Variants in CEP250 observed in about 807,000 individuals in gnomAD.
CEP250 encodes centrosome-associated protein CEP250.
Under a neutral mutation model 315.7 loss-of-function variants are expected in CEP250, and 242 were observed. That is an observed-to-expected ratio of 0.77 (90% CI 0.69 to 0.85). The LOEUF (loss-of-function observed/expected upper bound fraction) is 0.85. Ranked by LOEUF, CEP250 falls within the 40% of genes least tolerant of loss-of-function variation. The pLI is 0.00. For missense variants in CEP250, 2,515 were observed against 2,886.4 expected (o/e 0.87, Z 2.95); for synonymous variants, 1,088 against 1,175.0 (o/e 0.93, Z 1.51).
At chr20:35,476,389 C>A (rs2063173742) in intron 15 of CEP250, 60 bp from the exon 16 acceptor site, 1 of 1,514,880 alleles carries the variant, frequency 6.6e-7, no homozygotes, top group Non-Finnish European at 9.1e-7. Flanking sequence ...GGAATGTGAA[C>A]TGTTTACTGT....
At chr20:35,478,249 T>C in intron 17 of CEP250, 148 bp downstream of exon 17, 1 of 650,914 alleles carries the variant, frequency 1.5e-6, no homozygotes, top group Middle Eastern at 4.1e-4. Flanking sequence ...TATCTTCCAA[T>C]TTTAAAAAAG....
chr20:35,467,634 A>C (rs1006429152), intron 9 of CEP250, 79 bp downstream of exon 9: 9 of 1,431,934 alleles, frequency 6.3e-6, no homozygotes, highest in Non-Finnish European at 4.7e-6. Context: ...AGGCAGGGGG[A>C]GGTGCCAGGA....
intron 9 of CEP250, among the ~76,000 whole-genome samples, chr20:35,469,188 C>T (rs907548867): frequency 2.0e-5 from 3 of 152,024 alleles, no homozygotes; most frequent in Non-Finnish European, 4.4e-5. Context: ...TGGTGGCATG[C>T]ACCTATAATT....
rs568123733 is a variant in CEP250 at position 35,501,207 on chromosome 20, G to A, written c.3899-638G>A. 3.3e-5 allele frequency among the ~76,000 whole-genome samples: 5 copies of A among 152,186 alleles called. No homozygotes were observed. The East Asian group carries it at 5.8e-4, about 18-fold the overall frequency. On this transcript the variant is annotated intron_variant, in intron 28 of 34. Transcript: ENST00000397527. ...GAAGAGTTAGCCGGGTGTGGTGGTG[G>A]GCACCTGTAATCCCAACTACTCGGG... is the stretch of plus-strand genomic sequence containing the variant.
At position 35,496,725 on chromosome 20, in the gene CEP250, A is replaced by G. The variant is rs936007131; in HGVS notation, c.3306+10A>G. On this transcript the variant is annotated intron_variant, in intron 25 of 34. Transcript: ENST00000397527. ...AGAGCTCAGTGCTCAGGTACTTCCC[A>G]CTCTGGTTATGAGCTCTGCATCCCT... 6.2e-7 allele frequency: 1 copy of G among 1,610,174 alleles called. No individual in the cohort carries two copies. Among genetic ancestry groups the G allele is most frequent in the African/African-American group, 1.3e-5 (1 of 74,602 alleles).
chr20:35,480,147 T>G lies in CEP250; in HGVS notation c.2586+2T>G. 1 of 1,610,384 alleles carries G rather than the reference T, an allele frequency of 6.2e-7. No individual in the cohort carries two copies. The highest frequency in any genetic ancestry group is 8.5e-7 in the Non-Finnish European group (1 of 1,179,110). The stretch of plus-strand genomic sequence containing the variant: ...GTGAACCAGCTCCGGGAGAAATGGG[T>G]AAGTGGTCAATGTGGCCGGGTATGG... On this transcript the variant is annotated splice_donor_variant, in intron 20 of 34. Coordinates refer to ENST00000397527, the MANE Select transcript of CEP250 (RefSeq NM_007186.6). LOFTEE classifies it high-confidence loss of function.
chr20:35,503,281 C>T lies in CEP250; in HGVS notation c.4912C>T (p.Gln1638Ter). The change falls in exon 30 of 35, where the codon CAG (glutamine) becomes TAG (stop). Residue 1638 changes from glutamine to a stop codon, truncating the protein, a stop_gained. Transcript: ENST00000397527. LOFTEE classifies it high-confidence loss of function. This position sits in a 1 kb window ranked among gnomAD's most constrained non-coding sequence, Gnocchi z 4.2. ...RDQEVKSQRE[Q>*]IEELQRQKEH... ...CCAGGAGGTGAAGTCTCAGCGAGAA[C>T]AGATCGAGGAGCTGCAGAGGCAGAA... 1 of 1,614,102 alleles carries T rather than the reference C, an allele frequency of 6.2e-7. No homozygotes were observed.
chr20:35,459,303 G>A (rs557841143), intron 2 of CEP250, among the ~76,000 whole-genome samples: 12 of 151,826 alleles, frequency 7.9e-5, no homozygotes, highest in Admixed American at 6.5e-4. Flanking sequence ...TTATATAATT[G>A]TAATATAATT....
At chr20:35,463,102 T>C (rs574675462) in intron 4 of CEP250, among the ~76,000 whole-genome samples, 1 of 152,356 alleles carries the variant, frequency 6.6e-6, no homozygotes, top group Non-Finnish European at 1.5e-5. Context: ...TAGAAAGTAT[T>C]ATTTAAATGC....
rs1280994803 is a variant in CEP250, at chr20:35,516,647, C to G, written c.*5021C>G. 1 of 152,246 alleles carries G rather than the reference C, an allele frequency of 6.6e-6. No homozygotes were observed. The highest frequency in any genetic ancestry group is 2.4e-5 in the African/African-American group (1 of 41,452). The allele number at this position is 152,246 out of a possible 1,614,324, so 9.4% of individuals were successfully genotyped here. A position where few individuals can be genotyped will look rare whatever the true frequency, so the allele number is the denominator to read the frequency against. ...TTTAAACAAAGCTCCACAGGGATCT[C>G]TGAGAAGGAGCTCACCTCTAGGCAC... On this transcript the variant is annotated 3_prime_UTR_variant, in exon 35 of 35. Coordinates refer to ENST00000397527, the MANE Select transcript of CEP250 (RefSeq NM_007186.6).
chr20:35,474,520 A>G (rs1306968697), intron 14 of CEP250, among the ~76,000 whole-genome samples: 1 of 152,220 alleles, frequency 6.6e-6, no homozygotes, highest in Non-Finnish European at 1.5e-5. Flanking sequence ...CAAGGAACAG[A>G]TTAGCAAAGA....
chr20:35,506,433 C>T (rs187127217), intron 30 of CEP250, among the ~76,000 whole-genome samples: 2 of 152,258 alleles, frequency 1.3e-5, no homozygotes, highest in Admixed American at 1.3e-4. Context: ...TTTGTACCCC[C>T]GGTACTGAGC....
chr20:35,458,196 G>A (rs1410864478), intron 1 of CEP250, 108 bp from the exon 2 acceptor site: 1 of 152,222 alleles, frequency 6.6e-6, no homozygotes, highest in African/African-American at 2.4e-5. Flanking sequence ...TTAGGTGGTA[G>A]TGTTGCTTCT....
At chr20:35,479,590 A>C in intron 18 of CEP250, 56 bp from the exon 19 acceptor site, 1 of 1,594,160 alleles carries the variant, frequency 6.3e-7, no homozygotes, top group Non-Finnish European at 8.6e-7. Context: ...GCTCCTCTTG[A>C]GGAAGGGTAA....
rs745678218 is a variant in CEP250 at position 35,504,426 on chromosome 20, G to C, written c.6057G>C (p.Leu2019=). ...ACAGTCGGCAGCTGGAGGAGGCTCT[G>C]AGGATACAAGAAGGTGAGATCCAGG... ...QAHSRQLEEA[L]RIQEGEIQDQ... is the part of the protein sequence containing the mutation. The change falls in exon 30 of 35, where the codon CTG becomes CTC. Residue 2019 remains leucine (L), a synonymous_variant. Transcript: ENST00000397527. 1 of 1,609,834 alleles carries C rather than the reference G, an allele frequency of 6.2e-7. No homozygotes were observed. Among genetic ancestry groups the C allele is most frequent in the East Asian group, 2.2e-5 (1 of 44,778 alleles).
rs114785942 is a variant in CEP250, at chr20:35,479,390, C to T, written c.2254C>T (p.Arg752Trp). The T allele has an allele frequency of 4.0e-5, 64 of 1,614,080 alleles. No homozygotes were observed. In the Admixed American group the frequency reaches 4.3e-4, roughly 11 times the overall value. The change falls in exon 18 of 35, where the codon CGG (arginine) becomes TGG (tryptophan). Residue 752 changes from arginine to tryptophan, a missense_variant. By Grantham distance (101) the Arg-to-Trp change is moderately radical. Transcript: ENST00000397527. Reference sequence around the variant, plus strand: ...GCGGCTGCAGGCCGTGGAGCGTGACCGGCAGGACCTCGCTGAACAACTACA... The same window carrying T: ...GCGGCTGCAGGCCGTGGAGCGTGACTGGCAGGACCTCGCTGAACAACTACA... ...EVRLQAVERDRQDLAEQLQGL... is the reference protein window; with the variant it reads ...EVRLQAVERDWQDLAEQLQGL...
chr20:35,455,231 G>T, upstream of CEP250: 1 of 152,438 alleles, frequency 6.6e-6, no homozygotes, highest in Non-Finnish European at 1.5e-5. Context: ...TGCGGGAGCC[G>T]AGCGTGGTGA....
In CEP250 at chr20:35,511,424, G is replaced by C. The variant is rs374274791; in HGVS notation, c.7127G>C (p.Arg2376Pro). 14 of 1,612,966 alleles carry C rather than the reference G, an allele frequency of 8.7e-6. No individual in the cohort carries two copies. The highest frequency in any genetic ancestry group is 3.3e-5 in the Admixed American group (2 of 59,834). The change falls in exon 35 of 35, where the codon CGC becomes CCC. Residue 2376 changes from arginine (R) to proline (P), a missense_variant. Physicochemically the swap from Arg to Pro is moderately radical, Grantham distance 103 (BLOSUM62 -2). Coordinates refer to ENST00000397527, the MANE Select transcript of CEP250 (RefSeq NM_007186.6). ...AAGCAGAAGCAGGACTACATCACCC[G>C]CTCAGCACAGACCAGCCGTGAGCTA... Reference protein sequence around the residue: ...ERKQKQDYITRSAQTSRELAG... With the variant: ...ERKQKQDYITPSAQTSRELAG...
chr20:35,495,777 GAC>G (rs2147091391), intron 24 of CEP250, among the ~76,000 whole-genome samples: 1 of 152,100 alleles, frequency 6.6e-6, no homozygotes, highest in Admixed American at 6.6e-5. Flanking sequence ...ACAAAAAAAA[GAC>G]ACAGTTTGAG....
Sources: gnomAD v4.1 joint callset for allele counts (sites outside exome capture counted in the v4.1 genomes callset) on GRCh38, gnomAD v4.1.1 for gene constraint, Gnocchi (gnomAD v3.1) non-coding constraint, MANE v1.5 for transcripts, NCBI Gene and HGNC (gene_info 2026-07-23, HGNC 2026-07-21) for gene names.